Variants in FANK1 observed in about 807,000 individuals in gnomAD.
FANK1 encodes fibronectin type 3 and ankyrin repeat domains protein 1.
In FANK1, 44 loss-of-function variants were observed where a neutral mutation model predicts 45.3. That is an observed-to-expected ratio of 0.97 (90% CI 0.76 to 1.25). The LOEUF (loss-of-function observed/expected upper bound fraction) is 1.25, where lower values mean the gene tolerates loss of function less well. FANK1 is among the 50% of genes most tolerant of loss of function. The probability of loss-of-function intolerance (pLI) is 0.00; values close to 1 mark genes in which losing one functional copy is unlikely to be tolerated. For missense variants in FANK1, 391 were observed against 424.4 expected, an observed-to-expected ratio of 0.92 and a Z score of 0.69; for synonymous variants, 149 against 152.5, an observed-to-expected ratio of 0.98 and a Z score of 0.17.
intron 1 of FANK1, among the ~76,000 whole-genome samples, chr10:125,903,343 A>G (rs567531517): frequency 0.015 from 2,274 of 152,312 alleles, 35 homozygotes; most frequent in African/African-American, 0.05. Flanking sequence ...CTGTGCTCAC[A>G]GGGCTGGGGG....
chr10:125,932,985 T>C (rs1947850573), intron 1 of FANK1, among the ~76,000 whole-genome samples: 1 of 152,198 alleles, frequency 6.6e-6, no homozygotes, highest in Non-Finnish European at 1.5e-5. Flanking sequence ...AAATTTTGTT[T>C]GTGTGGTGTA....
intron 1 of FANK1, among the ~76,000 whole-genome samples, chr10:125,905,754 G>T (rs1466474087): frequency 6.6e-6 from 1 of 152,218 alleles, no homozygotes; most frequent in Non-Finnish European, 1.5e-5. Flanking sequence ...CAAAAAATGA[G>T]CTTGGCTCTG....
chr10:125,950,683 G>T (rs1949150120), intron 1 of FANK1, among the ~76,000 whole-genome samples: 1 of 152,098 alleles, frequency 6.6e-6, no homozygotes, highest in Non-Finnish European at 1.5e-5. Context: ...AAGTCAGTGT[G>T]GCGATTCCTC....
intron 6 of FANK1, among the ~76,000 whole-genome samples, chr10:125,998,853 T>C (rs938408636): frequency 6.2e-4 from 94 of 152,342 alleles, no homozygotes; most frequent in Middle Eastern, 3.4e-3. Flanking sequence ...TTACCTCCAA[T>C]GTAGGCTCTG....
chr10:125,967,774 C>CT (rs1564922909), intron 1 of FANK1, among the ~76,000 whole-genome samples: 1 of 152,048 alleles, frequency 6.6e-6, no homozygotes, highest in African/African-American at 2.4e-5. Flanking sequence ...CAGACAGAAA[C>CT]TTTTTTCATA....
At chr10:125,917,016 C>T (rs1020503240) in intron 1 of FANK1, among the ~76,000 whole-genome samples, 1 of 152,234 alleles carries the variant, frequency 6.6e-6, no homozygotes, top group African/African-American at 2.4e-5. Context: ...TTTGTCCTCT[C>T]ACAATTTTCT....
chr10:125,980,043 T>C (rs1951099862), intron 1 of FANK1, 118 bp from the exon 2 acceptor site: 6 of 1,046,516 alleles, frequency 5.7e-6, no homozygotes, highest in Non-Finnish European at 8.3e-6. Context: ...GGTATGCTCA[T>C]ATGTGTGCCT....
At chr10:126,004,795 T>G (rs766338267) in intron 6 of FANK1, 89 bp from the exon 7 acceptor site, 15 of 1,365,574 alleles carry the variant, frequency 1.1e-5, no homozygotes, top group Non-Finnish European at 1.4e-5. Flanking sequence ...AAGTTAGGAT[T>G]TCTTGGTTTA....
intron 1 of FANK1, among the ~76,000 whole-genome samples, chr10:125,927,051 G>A (rs1434028537): frequency 6.6e-6 from 1 of 152,062 alleles, no homozygotes; most frequent in Non-Finnish European, 1.5e-5. Flanking sequence ...TCATCTGCCT[G>A]CCTTAGCCTC....
At chr10:126,006,733 A>G (rs771684882) in intron 7 of FANK1, among the ~76,000 whole-genome samples, 2 of 152,156 alleles carry the variant, frequency 1.3e-5, no homozygotes, top group Non-Finnish European at 2.9e-5. Context: ...GGTGGTGGGC[A>G]CCTGTAATCC....
At chr10:125,957,828 C>T (rs150148243) in intron 1 of FANK1, among the ~76,000 whole-genome samples, 1 of 152,012 alleles carries the variant, frequency 6.6e-6, no homozygotes, top group Admixed American at 6.6e-5. Context: ...CCCGGCCTTG[C>T]CTTTATTTTT....
At chr10:125,902,067 C>G (rs181081875) in intron 1 of FANK1, among the ~76,000 whole-genome samples, 2 of 151,932 alleles carry the variant, frequency 1.3e-5, no homozygotes, top group Non-Finnish European at 2.9e-5. Context: ...TGCAGTGAGC[C>G]GAGATAGCAC....
At chr10:125,973,848 T>C (rs1327348120) in intron 1 of FANK1, 1 of 151,990 alleles carries the variant, frequency 6.6e-6, no homozygotes, top group African/African-American at 2.4e-5. Flanking sequence ...CCTTCAGCTT[T>C]TTAACTTTTA....
chr10:125,981,570 A>G (rs1951221600), intron 2 of FANK1, among the ~76,000 whole-genome samples: 1 of 151,682 alleles, frequency 6.6e-6, no homozygotes, highest in South Asian at 2.1e-4. Context: ...CTTCCCCTTG[A>G]TAGATTTACC....
rs1380352884 is a variant in FANK1, at chr10:125,995,051, C to T, written c.317-366C>T. The T allele has an allele frequency of 3.2e-5, 21 of 661,870 alleles. No homozygotes were observed. In the Admixed American group the frequency reaches 3.8e-4, roughly 12 times the overall value. The allele number at this position is 661,870 out of a possible 1,614,324, so 41.0% of individuals were successfully genotyped here. A position where few individuals can be genotyped will look rare whatever the true frequency, so the allele number is the denominator to read the frequency against. Reference sequence around the variant, plus strand: ...TTTTTTTCCAAGTAGTTTAACATCTCTTTGGCAAATAAAACTAGCATATTG... The same window carrying T: ...TTTTTTTCCAAGTAGTTTAACATCTTTTTGGCAAATAAAACTAGCATATTG... On this transcript the variant is annotated intron_variant, in intron 3 of 10. Transcript: ENST00000368693.
chr10:126,000,540 T>A (rs1474700515), intron 6 of FANK1, among the ~76,000 whole-genome samples: 1 of 152,146 alleles, frequency 6.6e-6, no homozygotes, highest in Non-Finnish European at 1.5e-5. Context: ...TCAAGTTAGA[T>A]CCTGGTCTTA....
intron 1 of FANK1, among the ~76,000 whole-genome samples, chr10:125,928,939 A>G (rs7093089): frequency 0.78 from 118,338 of 152,260 alleles, 46,374 homozygotes; most frequent in African/African-American, 0.81. Flanking sequence ...CTATAGTGCA[A>G]TTTATCAGTA....
At chr10:125,930,407 G>T (rs1251198710) in intron 1 of FANK1, among the ~76,000 whole-genome samples, 2 of 151,936 alleles carry the variant, frequency 1.3e-5, no homozygotes, top group African/African-American at 4.8e-5. Flanking sequence ...CATGATCATG[G>T]CTCACTGCAG....
At chr10:125,908,597 G>A (rs1945732198) in intron 1 of FANK1, among the ~76,000 whole-genome samples, 1 of 152,060 alleles carries the variant, frequency 6.6e-6, no homozygotes. Context: ...GGGGACCCAG[G>A]GGAAAGGGTG....
Sources: gnomAD v4.1 joint callset for allele counts (sites outside exome capture counted in the v4.1 genomes callset) on GRCh38, gnomAD v4.1.1 for gene constraint, MANE v1.5 for transcripts, NCBI Gene and HGNC (gene_info 2026-07-23, HGNC 2026-07-21) for gene names.